The following ZMYM4 variants were observed in gnomAD, a reference collection of about 807,000 sequenced individuals.
ZMYM4 encodes the protein zinc finger MYM-type protein 4.
Under a neutral mutation model 183.2 loss-of-function variants are expected in ZMYM4, and 31 were observed. The ratio of observed to expected loss-of-function variants is 0.17; its 90% CI spans 0.13 to 0.23. The LOEUF (loss-of-function observed/expected upper bound fraction) is 0.23. Ranked by LOEUF, ZMYM4 falls within the 10% of genes least tolerant of loss-of-function variation. The pLI, the probability that ZMYM4 is intolerant of heterozygous loss-of-function variation, is 1.00. For missense variants in ZMYM4, 1,273 were observed against 1,840.3 expected, an observed-to-expected ratio of 0.69 and a Z score of 5.64; for synonymous variants, 592 against 631.2, an observed-to-expected ratio of 0.94 and a Z score of 0.93.
chr1:35,315,259 T>A (rs1641993890), intron 1 of ZMYM4, among the ~76,000 whole-genome samples: 1 of 152,192 alleles, frequency 6.6e-6, no homozygotes, highest in Non-Finnish European at 1.5e-5. Flanking sequence ...AATAGAACAT[T>A]TTTAGTAGCT....
At chr1:35,334,398 A>G (rs1020682481) in intron 2 of ZMYM4, among the ~76,000 whole-genome samples, 1 of 152,176 alleles carries the variant, frequency 6.6e-6, no homozygotes, top group Non-Finnish European at 1.5e-5. Context: ...CCATTAGTAT[A>G]TATTATAGCT....
At chr1:35,375,784 A>C (rs1411541527) in intron 7 of ZMYM4, among the ~76,000 whole-genome samples, 1 of 152,206 alleles carries the variant, frequency 6.6e-6, no homozygotes, top group African/African-American at 2.4e-5. Flanking sequence ...TGTTTTAAAA[A>C]ATTTGTCTTG....
intron 2 of ZMYM4, among the ~76,000 whole-genome samples, chr1:35,334,932 G>T (rs748974347): frequency 5.3e-5 from 8 of 152,000 alleles, no homozygotes; most frequent in Non-Finnish European, 1.2e-4. Flanking sequence ...TTATTTCTCG[G>T]AATACTTCGA....
chr1:35,382,223 C>T (rs1558132116), intron 9 of ZMYM4, among the ~76,000 whole-genome samples: 4 of 145,070 alleles, frequency 2.8e-5, no homozygotes, highest in South Asian at 2.2e-4. Flanking sequence ...CGTATATATA[C>T]GTATATATGT....
At chr1:35,415,763 A>G (rs1265507518) in intron 28 of ZMYM4, 49 bp downstream of exon 28, 1 of 1,588,422 alleles carries the variant, frequency 6.3e-7, no homozygotes, top group South Asian at 1.1e-5. Flanking sequence ...TAGTAGTAGT[A>G]CTAAAATAGA....
chr1:35,269,094 G>A lies in ZMYM4; in HGVS notation c.39+9G>A. 1 of 1,548,984 alleles carries A rather than the reference G, an allele frequency of 6.5e-7. No individual in the cohort carries two copies. The highest frequency in any genetic ancestry group is 1.4e-5 in the African/African-American group (1 of 73,192). On this transcript the variant is annotated intron_variant, in intron 1 of 29. Transcript: ENST00000314607. ...CCGGCCCCCGAAAGAGGGTAGGTGA[G>A]GTGAGGCAGAACTCGGGCGGCGGGG...
At chr1:35,283,509 T>A (rs2148695017) in intron 1 of ZMYM4, among the ~76,000 whole-genome samples, 1 of 151,316 alleles carries the variant, frequency 6.6e-6, no homozygotes, top group East Asian at 1.9e-4. Context: ...GGCCAATTTT[T>A]TTGTATTTTT....
chr1:35,366,035 C>G lies in ZMYM4; in HGVS notation c.841-3994C>G, dbSNP rs961314754. The G allele has an allele frequency of 2.0e-5, 3 of 152,084 alleles. No individual in the cohort carries two copies. The East Asian group carries it at 5.8e-4, about 29-fold the overall frequency. 9.4% of individuals were successfully genotyped at this position (152,084 alleles called of 1,614,324 possible). On this transcript the variant is annotated intron_variant, in intron 5 of 29. Coordinates refer to ENST00000314607, the MANE Select transcript of ZMYM4 (RefSeq NM_005095.3). ...GAGACTAAGAGAGCTGACTGCAGAC[C>G]GTTAATGTATGCCAATGAGTATTGG...
chr1:35,359,568 A>G (rs941653601), intron 3 of ZMYM4, 122 bp downstream of exon 3: 69 of 1,043,686 alleles, frequency 6.6e-5, no homozygotes, highest in Non-Finnish European at 8.4e-5. Flanking sequence ...TAAGCTTGTC[A>G]TTTTTCTTTT....
In ZMYM4 at chr1:35,397,533, C is replaced by T; in HGVS notation, c.3187C>T (p.Leu1063=). ...TGCAGAAGATGAAGAGAAGAAGACT[C>T]TATCTCAGGGAGGTTGGTATACTCT... ...MIAEDEEKKT[L]SQGESQTSEH... The change falls in exon 20 of 30, where the codon CTA becomes TTA. Residue 1063 remains leucine, a synonymous_variant. Coordinates refer to ENST00000314607, the MANE Select transcript of ZMYM4 (RefSeq NM_005095.3). 1.9e-6 allele frequency: 3 copies of T among 1,610,026 alleles called. No individual in the cohort carries two copies. Among genetic ancestry groups the T allele is most frequent in the South Asian group, 1.1e-5 (1 of 90,068 alleles).
At chr1:35,336,340 G>A (rs1642974520) in intron 2 of ZMYM4, among the ~76,000 whole-genome samples, 1 of 151,420 alleles carries the variant, frequency 6.6e-6, no homozygotes, top group Non-Finnish European at 1.5e-5. Context: ...GAACCTTGTG[G>A]TACCATGTTG....
At chr1:35,358,625 G>T (rs2148903102) in intron 2 of ZMYM4, among the ~76,000 whole-genome samples, 1 of 152,132 alleles carries the variant, frequency 6.6e-6, no homozygotes, top group East Asian at 1.9e-4. Flanking sequence ...AGATTTTCAG[G>T]ATCATGCTTT....
At chr1:35,394,466 C>T (rs748551387) in intron 18 of ZMYM4, among the ~76,000 whole-genome samples, 42 of 151,992 alleles carry the variant, frequency 2.8e-4, no homozygotes, top group Non-Finnish European at 4.9e-4. Context: ...TCAGTTGGAG[C>T]GGATGAGAAA....
At position 35,419,560 on chromosome 1, in the gene ZMYM4, C is replaced by T; in HGVS notation, c.4530C>T (p.Phe1510=). Residue 1510 remains phenylalanine, a synonymous_variant, in exon 30 of 30, where the codon TTC becomes TTT. Coordinates refer to ENST00000314607, the MANE Select transcript of ZMYM4 (RefSeq NM_005095.3). ...ATAGCCCCATGTGGTACTCCACATT[C>T]CCGATAGACCCTGGAACCCTGGACA... ...VPNSPMWYST[F]PIDPGTLDTM... 1 of 1,614,112 alleles carries T rather than the reference C, an allele frequency of 6.2e-7. No individual in the cohort carries two copies. The highest frequency in any genetic ancestry group is 8.5e-7 in the Non-Finnish European group (1 of 1,180,006).
At chr1:35,270,820 A>G (rs1483048323) in intron 1 of ZMYM4, among the ~76,000 whole-genome samples, 1 of 152,038 alleles carries the variant, frequency 6.6e-6, no homozygotes, top group East Asian at 1.9e-4. Flanking sequence ...TTGTTTTATC[A>G]TATATTTACC....
intron 7 of ZMYM4, among the ~76,000 whole-genome samples, chr1:35,376,931 G>A (rs1644347712): frequency 6.6e-6 from 1 of 151,832 alleles, no homozygotes; most frequent in Non-Finnish European, 1.5e-5. Context: ...TTTTGAGATG[G>A]AGTCTTGCCC....
At chr1:35,280,526 C>T (rs1640105714) in intron 1 of ZMYM4, among the ~76,000 whole-genome samples, 1 of 152,156 alleles carries the variant, frequency 6.6e-6, no homozygotes, top group Admixed American at 6.6e-5. Flanking sequence ...TAAGAAATTA[C>T]CACAAACTTG....
At chr1:35,281,908 C>A (rs959920938) in intron 1 of ZMYM4, among the ~76,000 whole-genome samples, 3 of 152,092 alleles carry the variant, frequency 2.0e-5, no homozygotes, top group African/African-American at 7.2e-5. Flanking sequence ...TGGACTCATA[C>A]AATATTTATC....
chr1:35,401,989 A>C (rs1340584141), intron 23 of ZMYM4, among the ~76,000 whole-genome samples: 6 of 152,120 alleles, frequency 3.9e-5, no homozygotes, highest in African/African-American at 7.2e-5. Context: ...ACCAGTACCA[A>C]CTGTCCTGAT....
Sources: allele counts gnomAD v4.1 joint callset (sites outside exome capture counted in the v4.1 genomes callset), GRCh38; gene constraint gnomAD v4.1.1; transcripts MANE v1.5; gene names NCBI Gene and HGNC (gene_info 2026-07-23, HGNC 2026-07-21).